Variants in MEI4 observed in about 807,000 individuals in gnomAD.
MEI4 encodes meiotic double-stranded break formation protein 4, also known as meiosis-specific protein MEI4.
MEI4 carries 27 observed loss-of-function variants against 31.4 expected under a neutral mutation model. The ratio of observed to expected loss-of-function variants is 0.86; its 90% confidence interval spans 0.63 to 1.19. The LOEUF (loss-of-function observed/expected upper bound fraction) is 1.19. Ranked by LOEUF, MEI4 falls within the 50% of genes most tolerant of loss-of-function variation. The pLI, the probability that MEI4 is intolerant of heterozygous loss-of-function variation, is 0.00. For missense variants in MEI4, 329 were observed against 398.9 expected (o/e 0.82, Z 1.49); for synonymous variants, 122 against 145.4 (o/e 0.84, Z 1.16).
intron 3 of MEI4, 109 bp from the exon 4 acceptor site, chr6:77,828,822 T>C (rs950057907): frequency 7.5e-6 from 6 of 800,394 alleles, no homozygotes; most frequent in Non-Finnish European, 1.0e-5. Flanking sequence ...CAGAATTACA[T>C]TGATACTTTT....
In MEI4 at chr6:77,924,130, C is replaced by CAGTT. The variant is rs1347884558; in HGVS notation, c.*786_*789dup. On this transcript the variant is annotated 3_prime_UTR_variant, in exon 5 of 5. Coordinates refer to ENST00000684080, the MANE Select transcript of MEI4 (RefSeq NM_001322247.2). ...TTTATAGTTATTTGGTGGAATTTTT[C>CAGTT]AGTTATACAATTTCATTGACTTCAT... 2.0e-5 allele frequency: 3 copies of CAGTT among 151,730 alleles called. No individual in the cohort carries two copies. Among genetic ancestry groups the CAGTT allele is most frequent in the East Asian group, 1.9e-4 (1 of 5,164 alleles). 9.4% of individuals were successfully genotyped at this position (151,730 alleles called of 1,614,324 possible). A position where few individuals can be genotyped will look rare whatever the true frequency, so the allele number is the denominator to read the frequency against.
chr6:77,692,103 A>T (rs1769168488), intron 2 of MEI4, among the ~76,000 whole-genome samples: 3 of 151,976 alleles, frequency 2.0e-5, no homozygotes, highest in Admixed American at 2.0e-4. Flanking sequence ...GCCCTAGTCA[A>T]CATGGCCTTC....
At chr6:77,825,917 T>A (rs1262233384) in intron 3 of MEI4, among the ~76,000 whole-genome samples, 4 of 152,200 alleles carry the variant, frequency 2.6e-5, no homozygotes, top group African/African-American at 9.7e-5. Flanking sequence ...AGTTACAATC[T>A]ATACTCTGTG....
chr6:77,861,195 T>G (rs1352424950), intron 4 of MEI4, among the ~76,000 whole-genome samples: 1 of 152,200 alleles, frequency 6.6e-6, no homozygotes, highest in Non-Finnish European at 1.5e-5. Flanking sequence ...TTTGATTGGT[T>G]GGAGAGGCTT....
intron 3 of MEI4, among the ~76,000 whole-genome samples, chr6:77,812,078 G>A (rs1769585797): frequency 6.6e-6 from 1 of 152,058 alleles, no homozygotes; most frequent in Non-Finnish European, 1.5e-5. Context: ...TAATAACAGT[G>A]AACAACCATA....
At chr6:77,879,191 A>G (rs1242240996) in intron 4 of MEI4, among the ~76,000 whole-genome samples, 8 of 152,152 alleles carry the variant, frequency 5.3e-5, no homozygotes, top group Non-Finnish European at 1.2e-4. Context: ...TTATTTTCTC[A>G]TATTAAGTAA....
chr6:77,728,356 G>A (rs1247628654), intron 2 of MEI4, among the ~76,000 whole-genome samples: 1 of 152,116 alleles, frequency 6.6e-6, no homozygotes, highest in East Asian at 1.9e-4. Flanking sequence ...TCCTAAAGTA[G>A]TCATGTATAA....
intron 4 of MEI4, among the ~76,000 whole-genome samples, chr6:77,841,333 A>ATATATTT: frequency 3.6e-5 from 1 of 27,748 alleles, no homozygotes; most frequent in Non-Finnish European, 5.2e-5. Flanking sequence ...ATATATATAT[A>ATATATTT]TTTTTTTTTT....
intron 2 of MEI4, among the ~76,000 whole-genome samples, chr6:77,749,472 A>G (rs1324736428): frequency 6.6e-6 from 1 of 152,166 alleles, no homozygotes; most frequent in African/African-American, 2.4e-5. Flanking sequence ...CGTGAAGCCT[A>G]CACAAGTATC....
intron 2 of MEI4, among the ~76,000 whole-genome samples, chr6:77,747,543 A>G (rs571137097): frequency 1.3e-5 from 2 of 152,218 alleles, no homozygotes; most frequent in South Asian, 4.1e-4. Context: ...ACTTAGTGTC[A>G]TGAGAACAGC....
intron 1 of MEI4, among the ~76,000 whole-genome samples, chr6:77,672,611 C>T (rs1414951486): frequency 2.0e-5 from 3 of 152,204 alleles, no homozygotes; most frequent in Non-Finnish European, 4.4e-5. Flanking sequence ...TCAGTCTCCA[C>T]TCATTGCAAG....
At chr6:77,904,464 C>T (rs1766249641) in intron 4 of MEI4, among the ~76,000 whole-genome samples, 1 of 151,964 alleles carries the variant, frequency 6.6e-6, no homozygotes, top group Non-Finnish European at 1.5e-5. Flanking sequence ...CTACTCCCAC[C>T]CCCCACTCTC....
chr6:77,830,406 C>T (rs904027004), intron 4 of MEI4, among the ~76,000 whole-genome samples: 1 of 151,964 alleles, frequency 6.6e-6, no homozygotes, highest in Non-Finnish European at 1.5e-5. Context: ...CTCCATGAAG[C>T]GGTTATAATT....
intron 4 of MEI4, among the ~76,000 whole-genome samples, chr6:77,871,704 G>C (rs1487204228): frequency 6.6e-6 from 1 of 151,900 alleles, no homozygotes; most frequent in African/African-American, 2.4e-5. Flanking sequence ...AATAAAAGTT[G>C]AAATTATTTT....
chr6:77,832,007 A>G (rs935806370), intron 4 of MEI4, among the ~76,000 whole-genome samples: 6 of 152,052 alleles, frequency 3.9e-5, no homozygotes, highest in African/African-American at 1.4e-4. Flanking sequence ...CATTGTATAC[A>G]TGTATGAAAA....
At chr6:77,778,211 G>T (rs1768505793) in intron 3 of MEI4, among the ~76,000 whole-genome samples, 1 of 151,944 alleles carries the variant, frequency 6.6e-6, no homozygotes, top group South Asian at 2.1e-4. Context: ...AAAGGGCAAA[G>T]AAAGTCAAAT....
chr6:77,921,892 A>G (rs952297426), intron 4 of MEI4, among the ~76,000 whole-genome samples: 1 of 151,774 alleles, frequency 6.6e-6, no homozygotes, highest in African/African-American at 2.4e-5. Flanking sequence ...ATCATGGATG[A>G]CTGATTGCAG....
intron 2 of MEI4, among the ~76,000 whole-genome samples, chr6:77,709,004 A>C (rs1447382795): frequency 6.6e-6 from 1 of 152,162 alleles, no homozygotes; most frequent in Non-Finnish European, 1.5e-5. Context: ...AGTAATATTG[A>C]CCGTGACCCT....
intron 4 of MEI4, among the ~76,000 whole-genome samples, chr6:77,876,926 G>T (rs887255310): frequency 6.6e-6 from 1 of 152,096 alleles, no homozygotes. Context: ...GGGAAAAAAA[G>T]GTTGAGAAAG....
Sources: gnomAD v4.1 joint callset for allele counts (sites outside exome capture counted in the v4.1 genomes callset) on GRCh38, gnomAD v4.1.1 for gene constraint, MANE v1.5 for transcripts, NCBI Gene and HGNC (gene_info 2026-07-23, HGNC 2026-07-21) for gene names.